The following CYTH1 variants were observed in gnomAD, a reference collection of about 807,000 sequenced individuals.
The protein encoded by CYTH1 is cytohesin-1.
A neutral mutation model predicts 61.8 loss-of-function variants in CYTH1; 18 were observed. The ratio of observed to expected loss-of-function variants is 0.29; its 90% CI spans 0.20 to 0.43. The LOEUF (loss-of-function observed/expected upper bound fraction) is 0.43. Ranked by LOEUF, CYTH1 falls within the 20% of genes least tolerant of loss-of-function variation. The pLI is 1.00. For synonymous variants in CYTH1, 174 were observed against 184.3 expected (o/e 0.94, Z 0.45); for missense variants, 336 against 510.5 (o/e 0.66, Z 3.29).
At chr17:78,704,617 C>G (rs1313434883) in intron 3 of CYTH1, among the ~76,000 whole-genome samples, 3 of 152,160 alleles carry the variant, frequency 2.0e-5, no homozygotes, top group Non-Finnish European at 4.4e-5. Context: ...AACTCCTGAG[C>G]TCAAGTGATC....
In CYTH1 at chr17:78,685,752, C is replaced by T. The variant is rs548217504; in HGVS notation, c.892-4710G>A. ...TTTTTTCAAGAAGGTTCCAAAGTGC[C>T]GCATTTCACATGTTTTCTTCAGGAG... On this transcript the variant is annotated intron_variant, in intron 11 of 13. Transcript: ENST00000446868. Among the ~76,000 whole-genome samples, 8 of 152,098 alleles carry T rather than the reference C, an allele frequency of 5.3e-5. No homozygotes were observed. The South Asian group carries it at 1.5e-3, about 28-fold the overall frequency.
In CYTH1 at chr17:78,708,249, C is replaced by T; in HGVS notation, c.118G>A (p.Glu40Lys). The change falls in exon 3 of 14, where the codon GAG becomes AAG. Residue 40 changes from glutamate to lysine, a missense_variant. Glu to Lys is a moderately conservative substitution (Grantham distance 56). Coordinates refer to ENST00000446868, the MANE Select transcript of CYTH1 (RefSeq NM_004762.6). ...ATTTCATTAGCTACTTCTGCTATCT[C>T]ATCCTTCAGCCTCTATAAAACAGAC... ...LLADIQRLKD[E>K]IAEVANEIEN... 1 of 1,613,276 alleles carries T rather than the reference C, an allele frequency of 6.2e-7. No individual in the cohort carries two copies. The highest frequency in any genetic ancestry group is 8.5e-7 in the Non-Finnish European group (1 of 1,179,824).
At chr17:78,752,122 A>C (rs1488815639) in intron 1 of CYTH1, among the ~76,000 whole-genome samples, 1 of 152,208 alleles carries the variant, frequency 6.6e-6, no homozygotes, top group Non-Finnish European at 1.5e-5. Context: ...CTAATTTGCA[A>C]CATATTTCCT....
intron 1 of CYTH1, among the ~76,000 whole-genome samples, chr17:78,731,408 A>G (rs778374431): frequency 6.6e-6 from 1 of 152,160 alleles, no homozygotes; most frequent in Non-Finnish European, 1.5e-5. Context: ...CCCACAAGTT[A>G]AAGTTCTTCT....
intron 1 of CYTH1, among the ~76,000 whole-genome samples, chr17:78,746,140 A>G (rs2093358716): frequency 6.6e-6 from 1 of 152,222 alleles, no homozygotes. Flanking sequence ...CACAATAAAT[A>G]ATAAGTAACA....
intron 10 of CYTH1, among the ~76,000 whole-genome samples, chr17:78,693,186 CT>C (rs2092906210): frequency 2.0e-5 from 3 of 152,132 alleles, no homozygotes; most frequent in Non-Finnish European, 4.4e-5. Context: ...CCTCAGGAGC[CT>C]TTTCCGTTCT....
At chr17:78,688,195 C>T (rs1310957175) in intron 11 of CYTH1, among the ~76,000 whole-genome samples, 4 of 152,156 alleles carry the variant, frequency 2.6e-5, no homozygotes, top group Non-Finnish European at 4.4e-5. Flanking sequence ...TCACGGCAGC[C>T]GCTCCATCCA....
At chr17:78,747,170 A>AAAAAAAAC (rs1567872924) in intron 1 of CYTH1, among the ~76,000 whole-genome samples, 13 of 148,894 alleles carry the variant, frequency 8.7e-5, no homozygotes, top group African/African-American at 3.0e-4. Context: ...AAAAAAAAAA[A>AAAAAAAAC]GAAAAAACTA....
intron 1 of CYTH1, among the ~76,000 whole-genome samples, chr17:78,710,144 C>G (rs2093113490): frequency 2.0e-5 from 3 of 152,120 alleles, no homozygotes; most frequent in Admixed American, 2.0e-4. Context: ...GGAAAGATGT[C>G]CATGACCCCC....
intron 10 of CYTH1, 30 bp downstream of exon 10, chr17:78,695,977 G>C (rs781251219): frequency 7.3e-7 from 1 of 1,367,794 alleles, no homozygotes; most frequent in Non-Finnish European, 9.8e-7. Flanking sequence ...TGGCCTAGCA[G>C]AGCGAGCGAG....
intron 1 of CYTH1, among the ~76,000 whole-genome samples, chr17:78,765,162 C>G (rs1415658306): frequency 6.6e-6 from 1 of 152,108 alleles, no homozygotes; most frequent in Non-Finnish European, 1.5e-5. Flanking sequence ...AGCAGAGGGG[C>G]ATGGGTATCC....
intron 1 of CYTH1, among the ~76,000 whole-genome samples, chr17:78,720,782 C>T (rs1411779298): frequency 2.0e-5 from 3 of 151,984 alleles, no homozygotes; most frequent in East Asian, 3.9e-4. Flanking sequence ...GGCTGAGGTG[C>T]GAGGACCGCG....
chr17:78,762,238 C>A (rs137946896), intron 1 of CYTH1, among the ~76,000 whole-genome samples: 1 of 152,228 alleles, frequency 6.6e-6, no homozygotes, highest in Non-Finnish European at 1.5e-5. Flanking sequence ...GTCTCTGTTC[C>A]GGTAATTTGA....
intron 1 of CYTH1, among the ~76,000 whole-genome samples, chr17:78,741,074 C>T (rs964084856): frequency 2.0e-5 from 3 of 152,202 alleles, no homozygotes; most frequent in African/African-American, 4.8e-5. Context: ...AGAAAACACT[C>T]GTTCGTCATT....
At position 78,698,019 on chromosome 17, in the gene CYTH1, G is replaced by A. The variant is rs117235695; in HGVS notation, c.811+250C>T. Among the ~76,000 whole-genome samples the A allele has an allele frequency of 4.3e-3, 655 of 152,266 alleles. 10 individuals carry two copies. The highest frequency in any genetic ancestry group is 0.034 in the East Asian group (178 of 5,180). ...TGAAGTCACTTCCCTTTTGGAAGCC[G>A]ACCTTTGTTAGAACAGAACTCATAC... On this transcript the variant is annotated intron_variant, in intron 9 of 13. Transcript: ENST00000446868.
At chr17:78,686,007 G>A (rs939639596) in intron 11 of CYTH1, among the ~76,000 whole-genome samples, 2 of 152,094 alleles carry the variant, frequency 1.3e-5, no homozygotes, top group South Asian at 2.1e-4. Context: ...CCTGAAATAC[G>A]GTGTCTTCTT....
At chr17:78,681,193 C>G (rs568292616) in intron 11 of CYTH1, 151 bp from the exon 12 acceptor site, 1 of 689,646 alleles carries the variant, frequency 1.5e-6, no homozygotes, top group South Asian at 1.8e-5. Context: ...ACATTCTAAA[C>G]AAGAATAACA....
chr17:78,744,286 G>A (rs757299299), intron 1 of CYTH1, among the ~76,000 whole-genome samples: 9 of 152,108 alleles, frequency 5.9e-5, no homozygotes, highest in Admixed American at 5.2e-4. Context: ...AACCACCCTC[G>A]TTTCCTTATC....
chr17:78,700,370 G>A lies in CYTH1; in HGVS notation c.511C>T (p.Arg171Ter). The A allele has an allele frequency of 6.2e-7, 1 of 1,613,410 alleles. No individual in the cohort carries two copies. Among genetic ancestry groups the A allele is most frequent in the Non-Finnish European group, 8.5e-7 (1 of 1,179,660 alleles). ...IDRMMEAFAQ[R>*]YCQCNNGVFQ... is the part of the protein sequence containing the mutation. ...ACGCCATTATTGCACTGACAATATC[G>A]CTGGGCAAACGCCTCCATCATCCGG... Residue 171 changes from arginine to a stop codon, truncating the protein, a stop_gained, in exon 7 of 14, where the codon CGA becomes TGA. Transcript: ENST00000446868. LOFTEE classifies it high-confidence loss of function. The surrounding 1 kb of genome is among the most constrained non-coding windows in gnomAD (Gnocchi z 5.1).
Sources: allele counts gnomAD v4.1 joint callset (sites outside exome capture counted in the v4.1 genomes callset), GRCh38; gene constraint gnomAD v4.1.1; non-coding constraint Gnocchi (gnomAD v3.1); transcripts MANE v1.5; gene names NCBI Gene and HGNC (gene_info 2026-07-23, HGNC 2026-07-21).